TRAPPC11: variants seen among roughly 807,000 people sequenced by gnomAD.
TRAPPC11 encodes the protein foie gras homolog.
Under a neutral mutation model 151.2 loss-of-function variants are expected in TRAPPC11, and 104 were observed. That is an observed-to-expected ratio of 0.69 (90% CI 0.59 to 0.81). The LOEUF (loss-of-function observed/expected upper bound fraction) is 0.81. Ranked by LOEUF, TRAPPC11 falls within the 30% of genes least tolerant of loss-of-function variation. The probability of loss-of-function intolerance (pLI) is 0.00; values close to 1 mark genes in which losing one functional copy is unlikely to be tolerated. For synonymous variants in TRAPPC11, 456 were observed against 472.3 expected (o/e 0.97, Z 0.45); for missense variants, 1,230 against 1,349.6 (o/e 0.91, Z 1.39).
chr4:183,663,967 C>T lies in TRAPPC11; in HGVS notation c.100C>T (p.Arg34Ter), dbSNP rs569565392. 15 of 1,614,100 alleles carry T rather than the reference C, an allele frequency of 9.3e-6. No individual in the cohort carries two copies. The highest frequency in any genetic ancestry group is 2.2e-5 in the East Asian group (1 of 44,874). ...GLDVVYNAVH[R>*]AVWDAFCANR... ...GGATGTAGTTTATAATGCAGTCCAT[C>T]GAGCTGTCTGGGACGCCTTCTGTGC... The change falls in exon 2 of 30, where the codon CGA becomes TGA. Residue 34 changes from arginine (R) to a stop codon, truncating the protein, a stop_gained. Transcript: ENST00000334690. LOFTEE classifies it high-confidence loss of function.
intron 5 of TRAPPC11, among the ~76,000 whole-genome samples, chr4:183,673,258 C>T (rs1292309031): frequency 6.6e-6 from 1 of 152,054 alleles, no homozygotes; most frequent in Non-Finnish European, 1.5e-5. Context: ...TGCCCGGCCC[C>T]CATTTGCAAA....
chr4:183,692,968 A>G lies in TRAPPC11; in HGVS notation c.2058A>G (p.Ser686=). 8 of 1,604,106 alleles carry G rather than the reference A, an allele frequency of 5.0e-6. No individual in the cohort carries two copies. The highest frequency in any genetic ancestry group is 6.0e-6 in the Non-Finnish European group (7 of 1,175,228). ...CTTTTTTTTCTTTTTAGATTACTTCAGTGGATCTTGCTCTGGGCAATGAGA... is the reference window on the plus strand; with the variant it reads ...CTTTTTTTTCTTTTTAGATTACTTCGGTGGATCTTGCTCTGGGCAATGAGA... The part of the protein sequence containing the change: ...EDVGKKIEIT[S]VDLALGNETG... Residue 686 remains serine, a synonymous_variant, in exon 20 of 30, where the codon TCA becomes TCG. Coordinates refer to ENST00000334690, the MANE Select transcript of TRAPPC11 (RefSeq NM_021942.6).
At chr4:183,710,614 T>C (rs570186463) in intron 29 of TRAPPC11, among the ~76,000 whole-genome samples, 63 of 152,032 alleles carry the variant, frequency 4.1e-4, no homozygotes, top group African/African-American at 1.4e-3. Context: ...TAGCATGCCC[T>C]GTTTAACTGC....
intron 16 of TRAPPC11, 21 bp downstream of exon 16, chr4:183,685,166 T>G (rs754687069): frequency 6.2e-7 from 1 of 1,612,850 alleles, no homozygotes; most frequent in Non-Finnish European, 8.5e-7. Context: ...ATTGTTTATA[T>G]AGAGTGTGTT....
intron 7 of TRAPPC11, among the ~76,000 whole-genome samples, chr4:183,676,779 T>C (rs1579176804): frequency 6.6e-6 from 1 of 152,300 alleles, no homozygotes; most frequent in East Asian, 1.9e-4. Context: ...GCTGCTGTTT[T>C]TTTGAGATGG....
At chr4:183,697,010 C>T (rs568744270) in intron 23 of TRAPPC11, among the ~76,000 whole-genome samples, 5 of 152,136 alleles carry the variant, frequency 3.3e-5, no homozygotes, top group African/African-American at 1.2e-4. Flanking sequence ...TTCATTAGAT[C>T]CAGAGATAAA....
At chr4:183,666,554 C>A in intron 3 of TRAPPC11, 128 bp downstream of exon 3, 1 of 823,018 alleles carries the variant, frequency 1.2e-6, no homozygotes, top group Non-Finnish European at 1.9e-6. Flanking sequence ...TCCAGTGAAT[C>A]TTGTTCACTT....
At chr4:183,673,509 A>G (rs765038763) in intron 5 of TRAPPC11, among the ~76,000 whole-genome samples, 3 of 152,120 alleles carry the variant, frequency 2.0e-5, no homozygotes, top group African/African-American at 7.2e-5. Flanking sequence ...CCCCGTCTCT[A>G]CAAAAAATAT....
At chr4:183,707,969 TAAAAC>T (rs1737160767) in intron 28 of TRAPPC11, among the ~76,000 whole-genome samples, 2 of 152,316 alleles carry the variant, frequency 1.3e-5, no homozygotes, top group African/African-American at 2.4e-5. Flanking sequence ...GTAAAATCCT[TAAAAC>T]AAAACAAACT....
intron 27 of TRAPPC11, among the ~76,000 whole-genome samples, chr4:183,706,483 A>G (rs553636007): frequency 9.2e-5 from 14 of 151,534 alleles, no homozygotes; most frequent in South Asian, 2.1e-4. Flanking sequence ...AGATAGCACC[A>G]CTGCACTCCA....
intron 7 of TRAPPC11, among the ~76,000 whole-genome samples, chr4:183,676,745 G>C (rs1482966320): frequency 6.6e-6 from 1 of 152,158 alleles, no homozygotes; most frequent in Non-Finnish European, 1.5e-5. Context: ...AGAGGTACTT[G>C]GGGTTAAAAA....
Position 183,663,900 on chromosome 4 carries a change from A to G in TRAPPC11, c.33A>G (p.Glu11=), listed in dbSNP as rs560689861. The change falls in exon 2 of 30, where the codon GAA becomes GAG. Residue 11 remains glutamate, a synonymous_variant. Coordinates refer to ENST00000334690, the MANE Select transcript of TRAPPC11 (RefSeq NM_021942.6). ...CCACACAGTGGGACTTCCCTGTGGA[A>G]TTATGTTGCCGGCCTATGGCCTTTG... is the stretch of plus-strand genomic sequence containing the variant. MSPTQWDFPV[E]LCCRPMAFVT... The G allele has an allele frequency of 1.1e-5, 18 of 1,614,110 alleles. No homozygotes were observed. Among genetic ancestry groups the G allele is most frequent in the Non-Finnish European group, 1.4e-5 (17 of 1,180,004 alleles).
At chr4:183,672,721 G>A (rs2111323946) in intron 5 of TRAPPC11, among the ~76,000 whole-genome samples, 1 of 152,262 alleles carries the variant, frequency 6.6e-6, no homozygotes, top group East Asian at 1.9e-4. Context: ...CTTACTCTCA[G>A]TCTTCTGTAT....
Position 183,685,219 on chromosome 4 carries a change from T to G in TRAPPC11, c.1630-52T>G. ...TTATATCTATATCAACTAATCCAAG[T>G]AGTGGTTTTTATTCAACTAGTTGAA... is the stretch of plus-strand genomic sequence containing the variant. On this transcript the variant is annotated intron_variant, in intron 16 of 29. Coordinates refer to ENST00000334690, the MANE Select transcript of TRAPPC11 (RefSeq NM_021942.6). The G allele has an allele frequency of 2.5e-6, 4 of 1,609,266 alleles. No homozygotes were observed. In the South Asian group the frequency reaches 4.4e-5, roughly 18 times the overall value.
intron 1 of TRAPPC11, 21 bp from the exon 2 acceptor site, chr4:183,663,826 G>C: frequency 7.9e-7 from 1 of 1,260,330 alleles, no homozygotes; most frequent in Non-Finnish European, 1.1e-6. Context: ...AATTATGAAT[G>C]TATTAACATT....
At chr4:183,694,857 C>G in intron 23 of TRAPPC11, 134 bp downstream of exon 23, 1 of 885,812 alleles carries the variant, frequency 1.1e-6, no homozygotes, top group Non-Finnish European at 1.6e-6. Flanking sequence ...TTTAATTAAA[C>G]TTTTTAAAAA....
chr4:183,677,501 C>G lies in TRAPPC11; in HGVS notation c.778C>G (p.His260Asp), dbSNP rs760504776. The G allele has an allele frequency of 6.2e-7, 1 of 1,609,116 alleles. No homozygotes were observed. Among genetic ancestry groups the G allele is most frequent in the African/African-American group, 1.3e-5 (1 of 74,936 alleles). ...TAATCTTGTACACGAATTGAGAGCC[C>G]ATGAAACTAATATTCTGGAAATTAA... ...AYNLVHELRA[H>D]ETNILEIKTM... The change falls in exon 8 of 30, where the codon CAT becomes GAT. Residue 260 changes from histidine to aspartate, a missense_variant. Coordinates refer to ENST00000334690, the MANE Select transcript of TRAPPC11 (RefSeq NM_021942.6).
intron 18 of TRAPPC11, among the ~76,000 whole-genome samples, chr4:183,687,885 A>G (rs1185990221): frequency 6.6e-6 from 1 of 152,210 alleles, no homozygotes; most frequent in Non-Finnish European, 1.5e-5. Flanking sequence ...TGAATAACCT[A>G]GACATTTTCT....
At chr4:183,673,362 TAC>T (rs1735249122) in intron 5 of TRAPPC11, among the ~76,000 whole-genome samples, 1 of 152,148 alleles carries the variant, frequency 6.6e-6, no homozygotes, top group Non-Finnish European at 1.5e-5. Context: ...TTTTTAAAAC[TAC>T]AGTTTTGAAA....
Sources: gnomAD v4.1 joint callset for allele counts (sites outside exome capture counted in the v4.1 genomes callset) on GRCh38, gnomAD v4.1.1 for gene constraint, MANE v1.5 for transcripts, NCBI Gene and HGNC (gene_info 2026-07-23, HGNC 2026-07-21) for gene names.